HEATR1: variants seen among roughly 807,000 people sequenced by gnomAD.
HEATR1 encodes HEAT repeat-containing protein 1.
A neutral mutation model predicts 248.2 loss-of-function variants in HEATR1; 77 were observed. The observed-to-expected ratio is 0.31, with a 90% CI of 0.26 to 0.37. The LOEUF is 0.37. Among genes scored for constraint, HEATR1 ranks in the 10% least tolerant of loss-of-function variants. The pLI is 1.00. For synonymous variants in HEATR1, 897 were observed against 923.1 expected, an observed-to-expected ratio of 0.97 and a Z score of 0.51; for missense variants, 2,420 against 2,504.9, an observed-to-expected ratio of 0.97 and a Z score of 0.72.
Position 236,550,868 on chromosome 1 carries a change from ACT to A in HEATR1, c.*32_*33del. On this transcript the variant is annotated 3_prime_UTR_variant, in exon 45 of 45. Coordinates refer to ENST00000366582, the MANE Select transcript of HEATR1 (RefSeq NM_018072.6). ...ATAAAAATATGAAATATGAGTGTGAACTCTGAGTAGAGTATGAAACACCACAG... is the reference window on the plus strand; with the variant it reads ...ATAAAAATATGAAATATGAGTGTGAACTGAGTAGAGTATGAAACACCACAG... 2 of 1,504,286 alleles carry A rather than the reference ACT, an allele frequency of 1.3e-6. No individual in the cohort carries two copies. Among genetic ancestry groups the A allele is most frequent in the Middle Eastern group, 1.8e-4 (1 of 5,684 alleles). 93.2% of individuals were successfully genotyped at this position (1,504,286 alleles called of 1,614,324 possible). A position where few individuals can be genotyped will look rare whatever the true frequency, so the allele number is the denominator to read the frequency against.
In HEATR1 at chr1:236,566,800, T is replaced by A; in HGVS notation, c.4154A>T (p.Asp1385Val). The change falls in exon 30 of 45, where the codon GAT becomes GTT. Residue 1385 changes from aspartate to valine, a missense_variant. Asp to Val is a radical substitution (Grantham distance 152). Transcript: ENST00000366582. The stretch of plus-strand genomic sequence containing the variant: ...GTGCTCCGGGACGTGTGGCAGCGCA[T>A]CCACAAATACACTAATGATTTTTAC... ...IVVKIISVFV[D>V]ALPHVPEHRR... 6.2e-7 allele frequency: 1 copy of A among 1,614,090 alleles called. No individual in the cohort carries two copies.
rs756398886 is a variant in HEATR1 at position 236,582,879 on chromosome 1, G to A, written c.2426-7C>T. 1 of 1,613,546 alleles carries A rather than the reference G, an allele frequency of 6.2e-7. No homozygotes were observed. Among genetic ancestry groups the A allele is most frequent in the East Asian group, 2.2e-5 (1 of 44,856 alleles). ...GGATTCCACCATATATCACCTACAAGGACATGGAAAGAGAAATGATGCTAG... is the reference window on the plus strand; with the variant it reads ...GGATTCCACCATATATCACCTACAAAGACATGGAAAGAGAAATGATGCTAG... On this transcript the variant is annotated splice_region_variant and splice_polypyrimidine_tract_variant and intron_variant, in intron 18 of 44. Coordinates refer to ENST00000366582, the MANE Select transcript of HEATR1 (RefSeq NM_018072.6).
In HEATR1 at chr1:236,603,204, G is replaced by T. The variant is rs757191202; in HGVS notation, c.315C>A (p.Phe105Leu). The T allele has an allele frequency of 1.2e-6, 2 of 1,614,036 alleles. No individual in the cohort carries two copies. The highest frequency in any genetic ancestry group is 1.7e-6 in the Non-Finnish European group (2 of 1,180,018). ...GACACTTCTGTGCTGGCTTAAGCAGGAAGTAAGGCGACAAGTGAATAAGGA... is the reference window on the plus strand; with the variant it reads ...GACACTTCTGTGCTGGCTTAAGCAGTAAGTAAGGCGACAAGTGAATAAGGA... ...SLFLIHLSPY[F>L]LLKPAQKCLE... Residue 105 changes from phenylalanine to leucine, a missense_variant, in exon 3 of 45, where the codon TTC (phenylalanine) becomes TTA (leucine). Phe to Leu is a conservative substitution (Grantham distance 22). Coordinates refer to ENST00000366582, the MANE Select transcript of HEATR1 (RefSeq NM_018072.6).
intron 31 of HEATR1, among the ~76,000 whole-genome samples, chr1:236,565,174 C>T (rs908635489): frequency 1.3e-5 from 2 of 152,170 alleles, no homozygotes; most frequent in East Asian, 1.9e-4. Flanking sequence ...GTTACTGCCT[C>T]GCCAAACAGG....
rs377709058 is a variant in HEATR1 at position 236,558,230 on chromosome 1, C to T, written c.5204+7G>A. 8.7e-6 allele frequency: 14 copies of T among 1,608,082 alleles called. No homozygotes were observed. The highest frequency in any genetic ancestry group is 4.5e-5 in the East Asian group (2 of 44,828). ...ACAGCTCCTGTTCCAAGTCTCCGGC[C>T]GCATACCTGGGAAGCTGGGGGATGG... On this transcript the variant is annotated splice_region_variant and intron_variant, in intron 36 of 44. Transcript: ENST00000366582.
intron 15 of HEATR1, 83 bp downstream of exon 15, chr1:236,586,158 G>A: frequency 7.7e-7 from 1 of 1,296,110 alleles, no homozygotes; most frequent in South Asian, 1.5e-5. Flanking sequence ...ATATAAGCAT[G>A]ACCAACAATA....
intron 4 of HEATR1, 30 bp from the exon 5 acceptor site, chr1:236,598,009 G>C: frequency 1.4e-6 from 2 of 1,393,186 alleles, no homozygotes; most frequent in South Asian, 1.2e-5. Flanking sequence ...CAAACTACTA[G>C]CAACATTCAT....
chr1:236,571,657 C>T lies in HEATR1; in HGVS notation c.3737G>A (p.Gly1246Glu). Reference sequence around the variant, plus strand: ...TAATTGTTTGGTGTATTCCATATTTCCCTGCTCTTGTGGCAAGGGTTCTAA... The same window carrying T: ...TAATTGTTTGGTGTATTCCATATTTTCCTGCTCTTGTGGCAAGGGTTCTAA... ...RCLEPLPQEQ[G>E]NMEYTKQLIL... Residue 1246 changes from glycine to glutamate, a missense_variant, in exon 27 of 45, where the codon GGA (glycine) becomes GAA (glutamate). Transcript: ENST00000366582. 1 of 1,613,914 alleles carries T rather than the reference C, an allele frequency of 6.2e-7. No homozygotes were observed. Among genetic ancestry groups the T allele is most frequent in the Non-Finnish European group, 8.5e-7 (1 of 1,179,860 alleles).
At chr1:236,598,214 C>T (rs376905970) in intron 4 of HEATR1, among the ~76,000 whole-genome samples, 1 of 152,108 alleles carries the variant, frequency 6.6e-6, no homozygotes, top group Admixed American at 6.5e-5. Flanking sequence ...GTTTGCTTAT[C>T]GTATGTCACA....
intron 42 of HEATR1, 46 bp from the exon 43 acceptor site, chr1:236,553,785 T>C: frequency 6.4e-7 from 1 of 1,556,524 alleles, no homozygotes; most frequent in Non-Finnish European, 8.7e-7. Context: ...TCTCATTTCT[T>C]TCTTCTGTTT....
chr1:236,596,626 C>T (rs1455267158), intron 6 of HEATR1, among the ~76,000 whole-genome samples: 1 of 152,114 alleles, frequency 6.6e-6, no homozygotes, highest in Non-Finnish European at 1.5e-5. Flanking sequence ...GACCAGACAG[C>T]CAATATTTAT....
At chr1:236,577,968 C>T (rs1025596051) in intron 20 of HEATR1, among the ~76,000 whole-genome samples, 1 of 152,184 alleles carries the variant, frequency 6.6e-6, no homozygotes, top group Admixed American at 6.5e-5. Context: ...GTGCATCGTA[C>T]TCTACAAATA....
chr1:236,579,179 C>A (rs551309982), intron 20 of HEATR1, among the ~76,000 whole-genome samples: 1 of 152,292 alleles, frequency 6.6e-6, no homozygotes, highest in African/African-American at 2.4e-5. Flanking sequence ...CACACCTGAC[C>A]TCATGTGACG....
Position 236,559,090 on chromosome 1 carries a change from C to T in HEATR1, c.4816G>A (p.Gly1606Arg). ...GATGGCAGGGGATTGCCCACCAGCC[C>T]TCTGATCACAGGAATGAATGTCTCT... is the stretch of plus-strand genomic sequence containing the variant. ...PTETFIPVIR[G>R]LVGNPLPSVR... is the part of the protein sequence containing the mutation. The change falls in exon 35 of 45, where the codon GGG becomes AGG. Residue 1606 changes from glycine (G) to arginine (R), a missense_variant. By Grantham distance (125) the Gly-to-Arg change is moderately radical. Coordinates refer to ENST00000366582, the MANE Select transcript of HEATR1 (RefSeq NM_018072.6). The T allele has an allele frequency of 6.2e-7, 1 of 1,611,776 alleles. No individual in the cohort carries two copies. The highest frequency in any genetic ancestry group is 1.7e-5 in the Admixed American group (1 of 59,426).
In HEATR1 at chr1:236,594,043, G is replaced by C. The variant is rs1199331459; in HGVS notation, c.1162C>G (p.Leu388Val). The C allele has an allele frequency of 6.3e-7, 1 of 1,598,724 alleles. No homozygotes were observed. The highest frequency in any genetic ancestry group is 2.3e-5 in the East Asian group (1 of 43,742). ...HLEAILTKIS[L>V]KNNLDHLLAS... ...AACAAATGGTCTAAGTTGTTCTTCA[G>C]TGATATTTTTGTAAGTATAGCTTCT... Residue 388 changes from leucine to valine, a missense_variant, in exon 9 of 45, where the codon CTG becomes GTG. Physicochemically the swap from Leu to Val is conservative, Grantham distance 32. Coordinates refer to ENST00000366582, the MANE Select transcript of HEATR1 (RefSeq NM_018072.6).
Position 236,586,441 on chromosome 1 carries a change from A to G in HEATR1, c.1727T>C (p.Leu576Pro). 2.5e-6 allele frequency: 4 copies of G among 1,610,190 alleles called. No homozygotes were observed. The highest frequency in any genetic ancestry group is 3.4e-6 in the Non-Finnish European group (4 of 1,176,736). ...AATTAATATGTCAGCGGCTATCTTA[A>G]GTACCTCGTACCTAAAAGACATGCA... is the stretch of plus-strand genomic sequence containing the variant. ...LSKNGEWYEV[L>P]KIAADILIKE... Residue 576 changes from leucine (L) to proline (P), a missense_variant, in exon 15 of 45, where the codon CTT (leucine) becomes CCT (proline). Leu to Pro is a moderately conservative substitution (Grantham distance 98). Transcript: ENST00000366582.
Position 236,592,033 on chromosome 1 carries a change from T to TG in HEATR1, c.1381dup (p.His461ProfsTer20). ...ACTTGTAGAAAGAGAAACAAACTGA[T>TG]GGAAAAGCTCTTGTTTTTTCAGATC... is the stretch of plus-strand genomic sequence containing the variant. On this transcript the variant is annotated frameshift_variant, in exon 11 of 45. Coordinates refer to ENST00000366582, the MANE Select transcript of HEATR1 (RefSeq NM_018072.6). LOFTEE classifies it high-confidence loss of function. 6.2e-7 allele frequency: 1 copy of TG among 1,607,860 alleles called. No homozygotes were observed. Among genetic ancestry groups the TG allele is most frequent in the Non-Finnish European group, 8.5e-7 (1 of 1,175,254 alleles).
Position 236,559,697 on chromosome 1 carries a change from G to T in HEATR1, c.4770+17C>A. The T allele has an allele frequency of 1.3e-6, 2 of 1,582,270 alleles. No homozygotes were observed. The highest frequency in any genetic ancestry group is 1.7e-6 in the Non-Finnish European group (2 of 1,161,600). ...ACAGCAACAAAACAGTAATTCCAGG[G>T]AGAAATGAACACCTACCTTATCTAA... On this transcript the variant is annotated intron_variant, in intron 34 of 44. Coordinates refer to ENST00000366582, the MANE Select transcript of HEATR1 (RefSeq NM_018072.6).
At chr1:236,581,923 T>A (rs547107137) in intron 19 of HEATR1, among the ~76,000 whole-genome samples, 24 of 152,208 alleles carry the variant, frequency 1.6e-4, no homozygotes, top group Non-Finnish European at 2.8e-4. Context: ...TTAAATATAG[T>A]AATGGGCCTA....
Sources: gnomAD v4.1 joint callset for allele counts (sites outside exome capture counted in the v4.1 genomes callset) on GRCh38, gnomAD v4.1.1 for gene constraint, MANE v1.5 for transcripts, NCBI Gene and HGNC (gene_info 2026-07-23, HGNC 2026-07-21) for gene names.